The following FN1 variants were observed in gnomAD, a reference collection of about 807,000 sequenced individuals.
FN1 encodes fibronectin 1.
In FN1, 106 loss-of-function variants were observed where a neutral mutation model predicts 297.3. That is an observed-to-expected ratio of 0.36 (90% confidence interval 0.30 to 0.42). FN1 has a LOEUF of 0.42. FN1 is among the 10% of genes least tolerant of loss of function. FN1 has a pLI of 1.00. For missense variants in FN1, 2,690 were observed against 3,124.9 expected (o/e 0.86, Z 3.32); for synonymous variants, 1,149 against 1,152.6 (o/e 1.00, Z 0.06).
intron 26 of FN1, among the ~76,000 whole-genome samples, chr2:215,390,345 C>T (rs2059575402): frequency 6.6e-6 from 1 of 152,036 alleles, no homozygotes; most frequent in South Asian, 2.1e-4. Flanking sequence ...CCACCATGCC[C>T]GGCTAATTTT....
At chr2:215,384,612 A>AT (rs1314595709) in intron 29 of FN1, 1 of 448,084 alleles carries the variant, frequency 2.2e-6, no homozygotes, top group African/African-American at 2.0e-5. Context: ...ATGTTTGTGA[A>AT]TTTACAATCC....
At chr2:215,379,422 T>C in intron 33 of FN1, 105 bp from the exon 34 acceptor site, 1 of 975,648 alleles carries the variant, frequency 1.0e-6, no homozygotes, top group Non-Finnish European at 1.6e-6. Flanking sequence ...TTGGGCTAGG[T>C]GGGTTCCCTG....
intron 7 of FN1, 112 bp from the exon 8 acceptor site, chr2:215,424,437 G>T: frequency 2.4e-6 from 2 of 836,282 alleles, no homozygotes; most frequent in South Asian, 1.6e-5. Flanking sequence ...AAAGGAAGAA[G>T]CTATGAGTAT....
chr2:215,401,252 A>AAAAAT (rs2061076230), intron 20 of FN1, among the ~76,000 whole-genome samples: 1 of 22,432 alleles, frequency 4.5e-5, no homozygotes, highest in African/African-American at 1.4e-4. Context: ...GAAAGAAAGG[A>AAAAAT]AGAAAGAAAG....
At position 215,428,254 on chromosome 2, in the gene FN1, T is replaced by A; in HGVS notation, c.770A>T (p.Gln257Leu). The A allele has an allele frequency of 1.9e-6, 3 of 1,614,078 alleles. No individual in the cohort carries two copies. Among genetic ancestry groups the A allele is most frequent in the Non-Finnish European group, 2.5e-6 (3 of 1,179,874 alleles). ...SKKDNRGNLL[Q>L]CICTGNGRGE... Reference sequence around the variant, plus strand: ...TCGGCCGTTGCCTGTGCAGATGCACTGGAGCAGGTTTCCTCGATTATCCTT... The same window carrying A: ...TCGGCCGTTGCCTGTGCAGATGCACAGGAGCAGGTTTCCTCGATTATCCTT... Residue 257 changes from glutamine to leucine, a missense_variant, in exon 6 of 46, where the codon CAG becomes CTG. This residue lies in a region of FN1 where 876 missense variants were observed against 1,058.1 expected (regional missense o/e 0.83). Coordinates refer to ENST00000354785, the MANE Select transcript of FN1 (RefSeq NM_212482.4).
chr2:215,432,792 T>A (rs771021777), intron 3 of FN1, among the ~76,000 whole-genome samples: 10 of 152,202 alleles, frequency 6.6e-5, no homozygotes, highest in Non-Finnish European at 8.8e-5. Flanking sequence ...AATAATTTTG[T>A]ATTATCCCTA....
At chr2:215,401,246 G>GAAAAAAAGAAAT (rs1559475621) in intron 20 of FN1, among the ~76,000 whole-genome samples, 2 of 63,416 alleles carry the variant, frequency 3.2e-5, no homozygotes, top group African/African-American at 6.3e-5. Context: ...AAGAAAGAAA[G>GAAAAAAAGAAAT]AAAGGAAGAA....
At chr2:215,395,079 G>T (rs1296744495) in intron 23 of FN1, among the ~76,000 whole-genome samples, 1 of 152,030 alleles carries the variant, frequency 6.6e-6, no homozygotes, top group Non-Finnish European at 1.5e-5. Context: ...TCCTATCACT[G>T]TACCCTGCTT....
At chr2:215,376,970 A>G (rs955460385) in intron 35 of FN1, among the ~76,000 whole-genome samples, 4 of 152,150 alleles carry the variant, frequency 2.6e-5, no homozygotes, top group African/African-American at 9.7e-5. Context: ...ATAAATATTA[A>G]AATTATTAAT....
rs183318001 is a variant in FN1 at position 215,424,371 on chromosome 2, C to G, written c.1037-46G>C. On this transcript the variant is annotated intron_variant, in intron 7 of 45. Transcript: ENST00000354785. ...GTGTCAGTAAACAGAGATGCTTTATCTCCCACCAGCAGCTGCTTATTTATG... is the reference window on the plus strand; with the variant it reads ...GTGTCAGTAAACAGAGATGCTTTATGTCCCACCAGCAGCTGCTTATTTATG... 2.9e-5 allele frequency: 44 copies of G among 1,506,412 alleles called. No individual in the cohort carries two copies. The East Asian group carries it at 9.7e-4, about 33-fold the overall frequency. The allele number at this position is 1,506,412 out of a possible 1,614,324, so 93.3% of individuals were successfully genotyped here.
intron 31 of FN1, 45 bp downstream of exon 31, chr2:215,383,283 T>C (rs577806885): frequency 2.1e-5 from 33 of 1,604,026 alleles, no homozygotes; most frequent in South Asian, 2.0e-4. Context: ...TCTGGGATTA[T>C]AGGAGTGAGC....
At chr2:215,401,827 G>A (rs1371302050) in intron 20 of FN1, among the ~76,000 whole-genome samples, 1 of 151,760 alleles carries the variant, frequency 6.6e-6, no homozygotes, top group Non-Finnish European at 1.5e-5. Context: ...GTGAGAAAAA[G>A]CCAAATATAT....
intron 40 of FN1, 196 bp from the exon 41 acceptor site, chr2:215,370,628 A>G (rs2055801636): frequency 1.7e-6 from 1 of 571,708 alleles, no homozygotes; most frequent in Non-Finnish European, 3.1e-6. Context: ...GATAGGGGCC[A>G]TCGTTCCTGC....
intron 41 of FN1, among the ~76,000 whole-genome samples, chr2:215,369,817 T>C (rs2055475323): frequency 6.6e-6 from 1 of 152,246 alleles, no homozygotes; most frequent in Non-Finnish European, 1.5e-5. Flanking sequence ...TGCACAATGT[T>C]GGTAGCATTT....
intron 4 of FN1, among the ~76,000 whole-genome samples, chr2:215,431,500 A>AT (rs371579153): frequency 7.3e-5 from 11 of 151,562 alleles, no homozygotes; most frequent in African/African-American, 1.7e-4. Flanking sequence ...CCAAAGTGTC[A>AT]TTTTTTTTTC....
chr2:215,371,787 A>T, intron 40 of FN1, 122 bp downstream of exon 40: 2 of 827,424 alleles, frequency 2.4e-6, no homozygotes, highest in Non-Finnish European at 4.0e-6. Flanking sequence ...TGCTGGGATT[A>T]CAGGCGTGAG....
chr2:215,430,788 G>A lies in FN1; in HGVS notation c.612C>T (p.Pro204=). The A allele has an allele frequency of 6.2e-7, 1 of 1,614,138 alleles. No homozygotes were observed. Among genetic ancestry groups the A allele is most frequent in the Non-Finnish European group, 8.5e-7 (1 of 1,180,004 alleles). Residue 204 remains proline (P), a synonymous_variant, in exon 5 of 46, where the codon CCC becomes CCT. Coordinates refer to ENST00000354785, the MANE Select transcript of FN1 (RefSeq NM_212482.4). ...AATCTACCATCATCCAGCCTTGGTA[G>A]GGCTTCTCCCACGTTTCTCCGACCA... is the stretch of plus-strand genomic sequence containing the variant. ...SYVVGETWEK[P]YQGWMMVDCT... is the part of the protein sequence containing the mutation.
At chr2:215,421,422 T>C (rs1332013565) in intron 10 of FN1, among the ~76,000 whole-genome samples, 1 of 152,190 alleles carries the variant, frequency 6.6e-6, no homozygotes, top group Non-Finnish European at 1.5e-5. Flanking sequence ...AAGGTCTCTT[T>C]CAGTTCTGCA....
At chr2:215,417,605 C>T (rs1388896043) in intron 12 of FN1, among the ~76,000 whole-genome samples, 1 of 152,202 alleles carries the variant, frequency 6.6e-6, no homozygotes, top group Non-Finnish European at 1.5e-5. Context: ...ATTCTCACCA[C>T]ACTCTTAAAG....
Sources: gnomAD v4.1 joint callset for allele counts (sites outside exome capture counted in the v4.1 genomes callset) on GRCh38, gnomAD v4.1.1 for gene constraint, gnomAD v4.1.1 regional missense constraint, MANE v1.5 for transcripts, NCBI Gene and HGNC (gene_info 2026-07-23, HGNC 2026-07-21) for gene names.